Variants in IARS2 observed in about 807,000 individuals in gnomAD.
IARS2 encodes the protein isoleucyl-tRNA synthetase 2, mitochondrial.
A neutral mutation model predicts 126.3 loss-of-function variants in IARS2; 56 were observed. The ratio of observed to expected loss-of-function variants is 0.44; its 90% confidence interval spans 0.36 to 0.55. IARS2 has a LOEUF of 0.55. Among genes scored for constraint, IARS2 ranks in the 20% least tolerant of loss-of-function variants. IARS2 has a pLI of 0.00. For missense variants in IARS2, 1,127 were observed against 1,245.9 expected (o/e 0.90, Z 1.44); for synonymous variants, 407 against 441.1 (o/e 0.92, Z 0.97).
chr1:220,108,633 C>T (rs1656730817), intron 10 of IARS2, among the ~76,000 whole-genome samples: 1 of 152,024 alleles, frequency 6.6e-6, no homozygotes, highest in Non-Finnish European at 1.5e-5. Context: ...GATCCACCTG[C>T]CTTGGCCTCC....
At chr1:220,123,271 T>G (rs1025637436) in intron 12 of IARS2, among the ~76,000 whole-genome samples, 1 of 152,182 alleles carries the variant, frequency 6.6e-6, no homozygotes, top group Non-Finnish European at 1.5e-5. Flanking sequence ...CATAAAAGTT[T>G]ATCTTTACTG....
chr1:220,134,334 A>C, intron 14 of IARS2, 68 bp from the exon 15 acceptor site: 2 of 1,056,722 alleles, frequency 1.9e-6, no homozygotes, highest in Non-Finnish European at 1.4e-6. Context: ...ATTAATAAGT[A>C]TCTTCTTTTT....
At chr1:220,130,066 A>G (rs957026155) in intron 14 of IARS2, among the ~76,000 whole-genome samples, 3 of 152,188 alleles carry the variant, frequency 2.0e-5, no homozygotes, top group East Asian at 1.9e-4. Context: ...CTGGGGTAAG[A>G]TGATATATCA....
Position 220,148,009 on chromosome 1 carries a change from T to C in IARS2, c.*374T>C, listed in dbSNP as rs1461528632. On this transcript the variant is annotated 3_prime_UTR_variant, in exon 23 of 23. Coordinates refer to ENST00000366922, the MANE Select transcript of IARS2 (RefSeq NM_018060.4). Reference sequence around the variant, plus strand: ...CTTTTGACTCTGTATTTAAATTCTATGATACTGAAAATAAAGGCATTCTGG... The same window carrying C: ...CTTTTGACTCTGTATTTAAATTCTACGATACTGAAAATAAAGGCATTCTGG... 2.6e-6 allele frequency: 1 copy of C among 382,430 alleles called. No individual in the cohort carries two copies. The highest frequency in any genetic ancestry group is 2.1e-5 in the African/African-American group (1 of 48,318). The allele number at this position is 382,430 out of a possible 1,614,324, so 23.7% of individuals were successfully genotyped here.
chr1:220,145,409 G>T (rs1657566359), intron 21 of IARS2, 100 bp from the exon 22 acceptor site: 1 of 1,057,166 alleles, frequency 9.5e-7, no homozygotes, highest in African/African-American at 1.6e-5. Context: ...ATACCAGAAG[G>T]TTCCTCTCTA....
At chr1:220,099,964 A>C (rs753069508) in intron 2 of IARS2, among the ~76,000 whole-genome samples, 1 of 152,176 alleles carries the variant, frequency 6.6e-6, no homozygotes, top group Non-Finnish European at 1.5e-5. Flanking sequence ...TTTCTGGACT[A>C]CTGGGCTAGT....
At chr1:220,115,059 T>C (rs1283579937) in intron 12 of IARS2, among the ~76,000 whole-genome samples, 1 of 152,170 alleles carries the variant, frequency 6.6e-6, no homozygotes, top group Non-Finnish European at 1.5e-5. Context: ...AACCTTTTTT[T>C]GAGGCAGTCA....
chr1:220,112,555 C>CTTT (rs750583631), intron 11 of IARS2, among the ~76,000 whole-genome samples: 6 of 116,100 alleles, frequency 5.2e-5, no homozygotes, highest in Admixed American at 1.9e-4. Flanking sequence ...AAGATAAGCT[C>CTTT]TTTTTTTTTT....
intron 19 of IARS2, among the ~76,000 whole-genome samples, chr1:220,141,224 G>C (rs548629628): frequency 6.6e-6 from 1 of 152,288 alleles, no homozygotes; most frequent in South Asian, 2.1e-4. Flanking sequence ...TGAACATAAT[G>C]CTTGTTCTCA....
chr1:220,138,011 G>A lies in IARS2; in HGVS notation c.2143G>A (p.Val715Met), dbSNP rs147419616. Reference sequence around the variant, plus strand: ...CACCGAAGTTGCAATTGGCCCATCCGTGCTCAATGCTGCCAGAGATGATAT... The same window carrying A: ...CACCGAAGTTGCAATTGGCCCATCCATGCTCAATGCTGCCAGAGATGATAT... ...VFTEVAIGPS[V>M]LNAARDDISK... The change falls in exon 17 of 23, where the codon GTG becomes ATG. Residue 715 changes from valine to methionine, a missense_variant. Transcript: ENST00000366922. 7.2e-5 allele frequency: 117 copies of A among 1,614,096 alleles called. No individual in the cohort carries two copies. The highest frequency in any genetic ancestry group is 1.6e-4 in the Middle Eastern group (1 of 6,062).
chr1:220,110,796 G>A lies in IARS2; in HGVS notation c.1338G>A (p.Met446Ile), dbSNP rs767674807. 2.8e-5 allele frequency: 44 copies of A among 1,593,828 alleles called. No homozygotes were observed. In the Middle Eastern group the frequency reaches 8.3e-4, roughly 30 times the overall value. The change falls in exon 11 of 23, where the codon ATG (methionine) becomes ATA (isoleucine). Residue 446 changes from methionine (M) to isoleucine (I), a missense_variant. Met to Ile is a conservative substitution (Grantham distance 10). Coordinates refer to ENST00000366922, the MANE Select transcript of IARS2 (RefSeq NM_018060.4). ...LEEGTDVVIK[M>I]LQTAKNLLKE... ...TTTTTTTTTTTAAAGTTATAAAGAT[G>A]CTTCAGACTGCAAAGAATTTGTTGA...
intron 2 of IARS2, among the ~76,000 whole-genome samples, chr1:220,096,756 T>A (rs901730324): frequency 1.3e-5 from 2 of 152,160 alleles, no homozygotes; most frequent in African/African-American, 4.8e-5. Context: ...TCAATAGTGC[T>A]ATTAAAGAGA....
chr1:220,119,263 G>A (rs1305714895), intron 12 of IARS2, among the ~76,000 whole-genome samples: 2 of 152,088 alleles, frequency 1.3e-5, no homozygotes, highest in Non-Finnish European at 2.9e-5. Context: ...TGCATGTGTT[G>A]AGATAAGGCC....
rs1427407070 is a variant in IARS2 at position 220,102,615 on chromosome 1, T to C, written c.859+11T>C. On this transcript the variant is annotated intron_variant, in intron 6 of 22. Transcript: ENST00000366922. Reference sequence around the variant, plus strand: ...TGGCATCTCTTATAGGTAAGATTTATTCATAGCTTGAGTGTACCAAAGTTA... The same window carrying C: ...TGGCATCTCTTATAGGTAAGATTTACTCATAGCTTGAGTGTACCAAAGTTA... 1.3e-6 allele frequency: 2 copies of C among 1,593,934 alleles called. No homozygotes were observed. Among genetic ancestry groups the C allele is most frequent in the Non-Finnish European group, 1.7e-6 (2 of 1,161,730 alleles).
intron 19 of IARS2, among the ~76,000 whole-genome samples, chr1:220,140,574 G>A (rs1052874522): frequency 2.6e-5 from 4 of 152,066 alleles, no homozygotes; most frequent in South Asian, 2.1e-4. Flanking sequence ...GCAAGATCTC[G>A]TCTCAAAAAA....
rs767086322 is a variant in IARS2 at position 220,137,958 on chromosome 1, G to A, written c.2090G>A (p.Arg697His). 1.5e-5 allele frequency: 24 copies of A among 1,613,994 alleles called. No homozygotes were observed. In the East Asian group the frequency reaches 1.8e-4, roughly 12 times the overall value. ...CCTCCGTATGGTGCTGATGTCCTTC[G>A]CTGGTGGGTAGCTGATTCCAATGTC... is the stretch of plus-strand genomic sequence containing the variant. ...KEPPYGADVL[R>H]WWVADSNVFT... Residue 697 changes from arginine to histidine, a missense_variant, in exon 17 of 23, where the codon CGC (arginine) becomes CAC (histidine). Physicochemically the swap from Arg to His is conservative, Grantham distance 29 (BLOSUM62 0). Coordinates refer to ENST00000366922, the MANE Select transcript of IARS2 (RefSeq NM_018060.4).
rs1414106509 is a variant in IARS2 at position 220,147,887 on chromosome 1, A to G, written c.*252A>G. On this transcript the variant is annotated 3_prime_UTR_variant, in exon 23 of 23. Transcript: ENST00000366922. ...GATGGATATATGTATATCTCTTCCTATATATATCCATAGTGGACTTATTCA... is the reference window on the plus strand; with the variant it reads ...GATGGATATATGTATATCTCTTCCTGTATATATCCATAGTGGACTTATTCA... 2 of 457,052 alleles carry G rather than the reference A, an allele frequency of 4.4e-6. No individual in the cohort carries two copies. The highest frequency in any genetic ancestry group is 6.6e-5 in the South Asian group (1 of 15,092). The allele number at this position is 457,052 out of a possible 1,614,324, so 28.3% of individuals were successfully genotyped here.
chr1:220,137,816 T>C (rs1247666061), intron 16 of IARS2, 102 bp from the exon 17 acceptor site: 3 of 1,301,010 alleles, frequency 2.3e-6, no homozygotes, highest in Non-Finnish European at 3.3e-6. Context: ...TGTACTTACA[T>C]TGTGCTCAAA....
Position 220,100,642 on chromosome 1 carries a change from A to G in IARS2, c.543A>G (p.Arg181=). 1 of 1,602,194 alleles carries G rather than the reference A, an allele frequency of 6.2e-7. No homozygotes were observed. Among genetic ancestry groups the G allele is most frequent in the Non-Finnish European group, 8.5e-7 (1 of 1,170,652 alleles). ...EAQNLSAMEI[R]KKARSFAKAA... ...AGAATCTTTCAGCTATGGAAATTAG[A>G]AAGAAAGGTAAATAATCTGTATTTC... The change falls in exon 3 of 23, where the codon AGA becomes AGG. Residue 181 remains arginine (R), a synonymous_variant. Transcript: ENST00000366922.
Sources: gnomAD v4.1 joint callset for allele counts (sites outside exome capture counted in the v4.1 genomes callset) on GRCh38, gnomAD v4.1.1 for gene constraint, MANE v1.5 for transcripts, NCBI Gene and HGNC (gene_info 2026-07-23, HGNC 2026-07-21) for gene names.